The following RIC8B variants were observed in gnomAD, a reference collection of about 807,000 sequenced individuals.
RIC8B encodes the protein chaperone Ric-8B.
A neutral mutation model predicts 57.5 loss-of-function variants in RIC8B; 16 were observed. The observed-to-expected ratio is 0.28, with a 90% CI of 0.19 to 0.42. The LOEUF is 0.42. Ranked by LOEUF, RIC8B falls within the 10% of genes least tolerant of loss-of-function variation. RIC8B has a pLI of 1.00. For synonymous variants in RIC8B, 216 were observed against 250.8 expected, an observed-to-expected ratio of 0.86 and a Z score of 1.31; for missense variants, 481 against 677.0, an observed-to-expected ratio of 0.71 and a Z score of 3.21.
chr12:106,880,752 G>T (rs1258629796), intron 9 of RIC8B, among the ~76,000 whole-genome samples: 3 of 152,028 alleles, frequency 2.0e-5, no homozygotes, highest in Non-Finnish European at 4.4e-5. Context: ...AGCACCTGCT[G>T]TGTGCTGTGT....
chr12:106,779,447 G>T (rs529639757), intron 1 of RIC8B, among the ~76,000 whole-genome samples: 11 of 151,754 alleles, frequency 7.2e-5, no homozygotes, highest in Non-Finnish European at 1.5e-4. Context: ...GGCCGGGCTG[G>T]TCATGAACTC....
At chr12:106,776,635 C>T (rs1453650416) in intron 1 of RIC8B, among the ~76,000 whole-genome samples, 1 of 152,190 alleles carries the variant, frequency 6.6e-6, no homozygotes, top group Non-Finnish European at 1.5e-5. Context: ...TGGTCTCCCT[C>T]CAGATTGGTA....
intron 2 of RIC8B, among the ~76,000 whole-genome samples, chr12:106,811,882 A>G (rs895997200): frequency 1.3e-5 from 2 of 152,226 alleles, no homozygotes; most frequent in African/African-American, 4.8e-5. Context: ...GGGAAATACA[A>G]GAGCACCTTT....
At chr12:106,805,857 T>C (rs1342901120) in intron 2 of RIC8B, among the ~76,000 whole-genome samples, 1 of 152,194 alleles carries the variant, frequency 6.6e-6, no homozygotes, top group Non-Finnish European at 1.5e-5. Context: ...CATTTCTCTG[T>C]TTGTCTTACA....
chr12:106,868,766 G>GACACACACACACAC lies in RIC8B; in HGVS notation c.1452-2021_1452-2008dup, dbSNP rs56293147. The stretch of plus-strand genomic sequence containing the variant: ...ATGAGTGTCTAAAGCAGGCACTCTA[G>GACACACACACACAC]ACACACACACACACACACACACACA... On this transcript the variant is annotated intron_variant, in intron 8 of 9. Coordinates refer to ENST00000392837, the MANE Select transcript of RIC8B (RefSeq NM_001330145.2). 2.0e-3 allele frequency among the ~76,000 whole-genome samples: 248 copies of GACACACACACACAC among 123,018 alleles called. 5 individuals are homozygous for GACACACACACACAC. The highest frequency in any genetic ancestry group is 7.4e-3 in the African/African-American group (237 of 31,830). 80.7% of individuals were successfully genotyped at this position (123,018 alleles called of 152,430 possible).
intron 1 of RIC8B, among the ~76,000 whole-genome samples, chr12:106,777,906 G>C (rs937244094): frequency 2.0e-5 from 3 of 152,228 alleles, no homozygotes; most frequent in African/African-American, 7.2e-5. Flanking sequence ...CACAGGTTCT[G>C]TAGCCAGCCT....
chr12:106,798,149 C>G (rs2044570310), intron 2 of RIC8B: 3 of 579,604 alleles, frequency 5.2e-6, no homozygotes, highest in East Asian at 3.2e-5. Context: ...TATCGTAGAT[C>G]TTTTTGATGC....
In RIC8B at chr12:106,879,638, A is replaced by G; in HGVS notation, c.1572-6266A>G. The G allele has an allele frequency of 4.1e-6, 4 of 985,388 alleles. No homozygotes were observed. The highest frequency in any genetic ancestry group is 4.8e-6 in the Non-Finnish European group (4 of 829,932). The allele number at this position is 985,388 out of a possible 1,614,324, so 61.0% of individuals were successfully genotyped here. On this transcript the variant is annotated intron_variant, in intron 9 of 9. Transcript: ENST00000392837. The surrounding 1 kb of genome is among the most constrained non-coding windows in gnomAD (Gnocchi z 4.9). Reference sequence around the variant, plus strand: ...TTTTTGGTTTCCATTAGCAGTCCCAAGGGTTAGGCTGGGGCAAAATAGGGT... The same window carrying G: ...TTTTTGGTTTCCATTAGCAGTCCCAGGGGTTAGGCTGGGGCAAAATAGGGT...
intron 3 of RIC8B, among the ~76,000 whole-genome samples, chr12:106,820,515 A>T (rs905527965): frequency 6.6e-6 from 1 of 152,188 alleles, no homozygotes; most frequent in African/African-American, 2.4e-5. Context: ...ATCTCTGTTG[A>T]TGGAAGAGAG....
chr12:106,844,619 C>T (rs761148366), intron 6 of RIC8B, among the ~76,000 whole-genome samples: 1 of 152,084 alleles, frequency 6.6e-6, no homozygotes, highest in Non-Finnish European at 1.5e-5. Flanking sequence ...GTGATGTGAC[C>T]TTATTTATGC....
chr12:106,809,800 C>T (rs1330060649), intron 2 of RIC8B, among the ~76,000 whole-genome samples: 2 of 151,886 alleles, frequency 1.3e-5, no homozygotes, highest in African/African-American at 4.8e-5. Flanking sequence ...TTGGGGTATC[C>T]ATCCTCTCAA....
At chr12:106,853,589 C>T (rs931002694) in intron 7 of RIC8B, among the ~76,000 whole-genome samples, 2 of 150,438 alleles carry the variant, frequency 1.3e-5, no homozygotes, top group Admixed American at 6.6e-5. Context: ...CTGCCTCAGC[C>T]GTCTGAGTAG....
intron 6 of RIC8B, among the ~76,000 whole-genome samples, chr12:106,850,841 A>G (rs981318369): frequency 1.3e-5 from 2 of 152,178 alleles, no homozygotes; most frequent in Non-Finnish European, 2.9e-5. Context: ...CCAAATCTGC[A>G]ACTTTTTGAG....
chr12:106,818,051 ATTT>A (rs890855669), intron 3 of RIC8B, among the ~76,000 whole-genome samples: 8 of 152,190 alleles, frequency 5.3e-5, no homozygotes, highest in Admixed American at 5.2e-4. Context: ...TAAAATAAAC[ATTT>A]TTTTCCTTTT....
chr12:106,830,663 T>G (rs1484314153), intron 4 of RIC8B, among the ~76,000 whole-genome samples: 2 of 152,200 alleles, frequency 1.3e-5, no homozygotes, highest in Non-Finnish European at 2.9e-5. Context: ...GAACTATAGC[T>G]GAACACTGGT....
At chr12:106,825,329 T>G (rs537848764) in intron 3 of RIC8B, among the ~76,000 whole-genome samples, 32 of 152,308 alleles carry the variant, frequency 2.1e-4, no homozygotes, top group Admixed American at 5.9e-4. Flanking sequence ...AGTTAAGAGA[T>G]GAGACATTTT....
chr12:106,794,802 C>T (rs568665375), intron 2 of RIC8B, among the ~76,000 whole-genome samples: 1 of 152,262 alleles, frequency 6.6e-6, no homozygotes, highest in East Asian at 1.9e-4. Flanking sequence ...AAGCAAGTAA[C>T]CCTAAACAGT....
chr12:106,812,952 C>T (rs1369795898), intron 2 of RIC8B, among the ~76,000 whole-genome samples: 2 of 152,030 alleles, frequency 1.3e-5, no homozygotes, highest in African/African-American at 4.8e-5. Flanking sequence ...GAACGCAATA[C>T]AGTCATCCCT....
intron 9 of RIC8B, among the ~76,000 whole-genome samples, chr12:106,885,339 AAGAG>A (rs766588056): frequency 5.3e-5 from 8 of 151,978 alleles, no homozygotes; most frequent in Non-Finnish European, 8.8e-5. Flanking sequence ...GAAAGAGTGA[AAGAG>A]AGAGAGAGAA....
Sources: gnomAD v4.1 joint callset for allele counts (sites outside exome capture counted in the v4.1 genomes callset) on GRCh38, gnomAD v4.1.1 for gene constraint, Gnocchi (gnomAD v3.1) non-coding constraint, MANE v1.5 for transcripts, NCBI Gene and HGNC (gene_info 2026-07-23, HGNC 2026-07-21) for gene names.